DPP10: variants seen among roughly 807,000 people sequenced by gnomAD.
The protein encoded by DPP10 is inactive dipeptidyl peptidase 10.
In DPP10, 33 loss-of-function variants were observed where a neutral mutation model predicts 120.9. That is an observed-to-expected ratio of 0.27 (90% CI 0.21 to 0.37). DPP10 has a LOEUF of 0.37. Ranked by LOEUF, DPP10 falls within the 10% of genes least tolerant of loss-of-function variation. The pLI, the probability that DPP10 is intolerant of heterozygous loss-of-function variation, is 1.00. For missense variants in DPP10, 816 were observed against 942.8 expected (o/e 0.87, Z 1.76); for synonymous variants, 337 against 326.1 (o/e 1.03, Z -0.36).
chr2:115,700,361 G>A (rs748158327), intron 7 of DPP10, among the ~76,000 whole-genome samples: 3 of 151,634 alleles, frequency 2.0e-5, no homozygotes, highest in Non-Finnish European at 2.9e-5. Context: ...TACAGAATAA[G>A]CATTTTTAAA....
chr2:115,653,726 G>A (rs1457888754), intron 5 of DPP10, among the ~76,000 whole-genome samples: 2 of 151,882 alleles, frequency 1.3e-5, no homozygotes, highest in African/African-American at 4.8e-5. Context: ...GCAAGTTGAT[G>A]TTGATGTGAT....
intron 1 of DPP10, among the ~76,000 whole-genome samples, chr2:115,085,219 A>C (rs1265027897): frequency 6.6e-6 from 1 of 152,234 alleles, no homozygotes; most frequent in Non-Finnish European, 1.5e-5. Context: ...TAGTTCACCC[A>C]GGGAATAAAA....
chr2:114,906,098 G>T (rs1693935844), intron 1 of DPP10, among the ~76,000 whole-genome samples: 1 of 152,020 alleles, frequency 6.6e-6, no homozygotes, highest in South Asian at 2.1e-4. Flanking sequence ...GTGAACCTGG[G>T]CCGGGCACGG....
intron 3 of DPP10, among the ~76,000 whole-genome samples, chr2:115,353,996 A>G (rs2064202601): frequency 1.3e-5 from 2 of 152,190 alleles, no homozygotes; most frequent in Non-Finnish European, 1.5e-5. Flanking sequence ...TTGTAATTGT[A>G]TATGAATGTT....
At chr2:115,646,348 T>C (rs1404187114) in intron 5 of DPP10, among the ~76,000 whole-genome samples, 1 of 152,122 alleles carries the variant, frequency 6.6e-6, no homozygotes, top group Non-Finnish European at 1.5e-5. Context: ...CTATTAGCAC[T>C]GTGAATGGGA....
intron 1 of DPP10, among the ~76,000 whole-genome samples, chr2:114,846,407 GA>G (rs1433906156): frequency 6.6e-6 from 1 of 152,060 alleles, no homozygotes; most frequent in Non-Finnish European, 1.5e-5. Context: ...GGATCTTTAA[GA>G]AACAAAAATC....
At chr2:115,074,221 C>CT (rs766185737) in intron 1 of DPP10, among the ~76,000 whole-genome samples, 1 of 152,066 alleles carries the variant, frequency 6.6e-6, no homozygotes, top group Non-Finnish European at 1.5e-5. Flanking sequence ...TCTGCCCAGG[C>CT]TGGTCTCAAA....
intron 1 of DPP10, among the ~76,000 whole-genome samples, chr2:114,650,240 G>GATAGAATGTGGTGTCAGAACT (rs1696479190): frequency 6.6e-6 from 1 of 152,134 alleles, no homozygotes; most frequent in Non-Finnish European, 1.5e-5. Context: ...GGTTTTGGGA[G>GATAGAATGTGGTGTCAGAACT]ATAGAATGTG....
chr2:114,850,806 A>G (rs1688891400), intron 1 of DPP10, among the ~76,000 whole-genome samples: 1 of 152,056 alleles, frequency 6.6e-6, no homozygotes, highest in African/African-American at 2.4e-5. Flanking sequence ...TACCCCAGAC[A>G]CTTTATATTA....
chr2:115,189,660 G>A (rs893713599), intron 1 of DPP10, among the ~76,000 whole-genome samples: 20 of 151,464 alleles, frequency 1.3e-4, no homozygotes, highest in Non-Finnish European at 1.5e-5. Context: ...TGTTCTGCTT[G>A]ATTCTCTAAA....
At chr2:115,287,665 G>A (rs1456348534) in intron 1 of DPP10, among the ~76,000 whole-genome samples, 3 of 152,044 alleles carry the variant, frequency 2.0e-5, no homozygotes, top group Non-Finnish European at 2.9e-5. Flanking sequence ...TAATGTTTCC[G>A]TGGACTCATT....
chr2:114,703,744 G>C (rs1229752849), intron 1 of DPP10, among the ~76,000 whole-genome samples: 1 of 152,122 alleles, frequency 6.6e-6, no homozygotes, highest in Non-Finnish European at 1.5e-5. Flanking sequence ...ATATTTGTCT[G>C]GTTCCATAAA....
At position 115,844,381 on chromosome 2, in the gene DPP10, A is replaced by AATGTTTATCTATTT. The variant is rs1690444463; in HGVS notation, c.*2036_*2037insATGTTTATCTATTT. On this transcript the variant is annotated 3_prime_UTR_variant, in exon 26 of 26. Transcript: ENST00000410059. ...CTGTCATCATTTCTCTTGTTTTATT[A>AATGTTTATCTATTT]TTATTATCAATGTTTATCTATTTTT... 1 of 152,484 alleles carries AATGTTTATCTATTT rather than the reference A, an allele frequency of 6.6e-6. No homozygotes were observed. Among genetic ancestry groups the AATGTTTATCTATTT allele is most frequent in the African/African-American group, 2.4e-5 (1 of 41,394 alleles). The allele number at this position is 152,484 out of a possible 1,614,324, so 9.4% of individuals were successfully genotyped here. A position where few individuals can be genotyped will look rare whatever the true frequency, so the allele number is the denominator to read the frequency against.
At chr2:115,804,061 G>T (rs898649372) in intron 19 of DPP10, among the ~76,000 whole-genome samples, 1 of 151,964 alleles carries the variant, frequency 6.6e-6, no homozygotes, top group African/African-American at 2.4e-5. Flanking sequence ...GTCACTTTCA[G>T]GTACACCAAT....
rs1420894185 is a variant in DPP10 at position 114,806,594 on chromosome 2, A to G, written c.60+363756A>G. 6.6e-5 allele frequency among the ~76,000 whole-genome samples: 10 copies of G among 152,348 alleles called. No homozygotes were observed. In the East Asian group the frequency reaches 1.9e-3, roughly 29 times the overall value. On this transcript the variant is annotated intron_variant, in intron 1 of 25. Transcript: ENST00000410059. ...TCAAAGAACTTGTTCTTAGATCGTT[A>G]TGAGTTATCAGGAAAATATTAACTT...
chr2:115,409,399 C>G (rs2068768348), intron 3 of DPP10, among the ~76,000 whole-genome samples: 1 of 152,060 alleles, frequency 6.6e-6, no homozygotes, highest in South Asian at 2.1e-4. Flanking sequence ...AAATGGCCAA[C>G]AAAAGTGAAA....
chr2:114,550,976 G>C (rs951097647), intron 1 of DPP10, among the ~76,000 whole-genome samples: 2 of 152,182 alleles, frequency 1.3e-5, no homozygotes, highest in East Asian at 3.8e-4. Flanking sequence ...CACAGCTATT[G>C]TGAAAAGCAA....
chr2:114,728,666 C>G (rs778536700), intron 1 of DPP10, among the ~76,000 whole-genome samples: 8 of 152,144 alleles, frequency 5.3e-5, no homozygotes, highest in Non-Finnish European at 1.0e-4. Context: ...TTTGACCCTA[C>G]TCTACAGGGT....
chr2:115,331,511 G>A lies in DPP10; in HGVS notation c.176-12306G>A, dbSNP rs549226131. Among the ~76,000 whole-genome samples, 3 of 152,290 alleles carry A rather than the reference G, an allele frequency of 2.0e-5. No homozygotes were observed. In the South Asian group the frequency reaches 6.2e-4, roughly 32 times the overall value. ...TCCCCGTCTTGTGCCAGTTTTCAAA[G>A]GGAATGCTCCCAGTTTTTGCCCATT... On this transcript the variant is annotated intron_variant, in intron 2 of 25. Coordinates refer to ENST00000410059, the MANE Select transcript of DPP10 (RefSeq NM_020868.6).
Sources: allele counts gnomAD v4.1 joint callset (sites outside exome capture counted in the v4.1 genomes callset), GRCh38; gene constraint gnomAD v4.1.1; transcripts MANE v1.5; gene names NCBI Gene and HGNC (gene_info 2026-07-23, HGNC 2026-07-21).